WWOX: variants seen among roughly 807,000 people sequenced by gnomAD.
The protein encoded by WWOX is WW domain-containing oxidoreductase.
Under a neutral mutation model 46.2 loss-of-function variants are expected in WWOX, and 69 were observed. That is an observed-to-expected ratio of 1.49 (90% CI 1.23 to 1.82). The LOEUF (loss-of-function observed/expected upper bound fraction) is 1.82, where lower values mean the gene tolerates loss of function less well. Among genes scored for constraint, WWOX ranks in the 40% most tolerant of loss-of-function variants. The pLI is 0.00. For missense variants in WWOX, 919 were observed against 542.6 expected (o/e 1.69, Z -6.89); for synonymous variants, 359 against 202.6 (o/e 1.77, Z -6.56).
chr16:79,005,019 G>T (rs1037404855), intron 8 of WWOX, among the ~76,000 whole-genome samples: 3 of 152,172 alleles, frequency 2.0e-5, no homozygotes, highest in Non-Finnish European at 2.9e-5. Flanking sequence ...GAGAGGGAAG[G>T]AAGAGGAAAA....
At chr16:78,411,912 T>C (rs958853168) in intron 6 of WWOX, among the ~76,000 whole-genome samples, 2 of 152,204 alleles carry the variant, frequency 1.3e-5, no homozygotes, top group African/African-American at 4.8e-5. Flanking sequence ...AAGCAGGCTT[T>C]GGTTTCTACT....
At chr16:78,945,075 G>T (rs909474902) in intron 8 of WWOX, among the ~76,000 whole-genome samples, 5 of 152,112 alleles carry the variant, frequency 3.3e-5, no homozygotes, top group African/African-American at 1.2e-4. Flanking sequence ...AGGTACTTGG[G>T]AGGCTGAGGT....
chr16:78,554,833 G>C (rs1238416896), intron 8 of WWOX, among the ~76,000 whole-genome samples: 2 of 152,168 alleles, frequency 1.3e-5, no homozygotes, highest in African/African-American at 4.8e-5. Flanking sequence ...GACTCTGAAT[G>C]GTGGCCCAGT....
intron 8 of WWOX, among the ~76,000 whole-genome samples, chr16:78,936,061 C>T (rs1183522173): frequency 6.6e-6 from 1 of 151,870 alleles, no homozygotes; most frequent in Non-Finnish European, 1.5e-5. Flanking sequence ...TGGAGACTGG[C>T]CATAAGTTGG....
intron 8 of WWOX, among the ~76,000 whole-genome samples, chr16:79,152,878 C>T (rs968920882): frequency 6.6e-6 from 1 of 152,084 alleles, no homozygotes; most frequent in East Asian, 1.9e-4. Context: ...ACGGAGTACC[C>T]AGTTGCACTG....
chr16:78,149,053 A>C (rs1435081405), intron 4 of WWOX, among the ~76,000 whole-genome samples: 2 of 152,030 alleles, frequency 1.3e-5, no homozygotes, highest in Admixed American at 1.3e-4. Context: ...GGGCAGTGGC[A>C]GGATCGTAGC....
At chr16:79,172,345 C>T (rs1178235760) in intron 8 of WWOX, among the ~76,000 whole-genome samples, 1 of 152,130 alleles carries the variant, frequency 6.6e-6, no homozygotes, top group Non-Finnish European at 1.5e-5. Context: ...CAGATTTGGT[C>T]AAAGATCCAT....
At chr16:78,131,722 C>T (rs948800273) in intron 4 of WWOX, among the ~76,000 whole-genome samples, 2 of 151,818 alleles carry the variant, frequency 1.3e-5, no homozygotes, top group Non-Finnish European at 1.5e-5. Flanking sequence ...GCTGGGATTA[C>T]AGGTGTGTGT....
intron 8 of WWOX, among the ~76,000 whole-genome samples, chr16:78,906,942 T>G (rs2044980651): frequency 6.6e-6 from 1 of 152,202 alleles, no homozygotes; most frequent in African/African-American, 2.4e-5. Context: ...AATAAGCTAT[T>G]GGCAGGTGGT....
chr16:78,595,746 A>T (rs1194257751), intron 8 of WWOX, among the ~76,000 whole-genome samples: 1 of 152,210 alleles, frequency 6.6e-6, no homozygotes, highest in East Asian at 1.9e-4. Context: ...TGATTGACTC[A>T]AGATAATTAG....
In WWOX at chr16:79,044,013, T is replaced by G. The variant is rs956096241; in HGVS notation, c.1057-167595T>G. ...ACTCTCATTGATTAGGCCTGAGTTA[T>G]GTGCTCTCTCCTAGAGCCAGGAAGA... On this transcript the variant is annotated intron_variant, in intron 8 of 8. Transcript: ENST00000566780. Among the ~76,000 whole-genome samples the G allele has an allele frequency of 3.9e-5, 6 of 152,336 alleles. No individual in the cohort carries two copies. In the South Asian group the frequency reaches 1.2e-3, roughly 32 times the overall value.
chr16:78,791,595 G>C (rs1346487192), intron 8 of WWOX, among the ~76,000 whole-genome samples: 1 of 152,086 alleles, frequency 6.6e-6, no homozygotes, highest in African/African-American at 2.4e-5. Flanking sequence ...GCAAACAGAA[G>C]GGCTGGGTGC....
At chr16:78,691,575 G>A (rs531642364) in intron 8 of WWOX, among the ~76,000 whole-genome samples, 13 of 152,190 alleles carry the variant, frequency 8.5e-5, no homozygotes, top group African/African-American at 3.1e-4. Flanking sequence ...GGGTATAGTG[G>A]TGTGCACCTG....
chr16:79,171,860 A>G (rs2050706060), intron 8 of WWOX, among the ~76,000 whole-genome samples: 1 of 152,238 alleles, frequency 6.6e-6, no homozygotes, highest in Non-Finnish European at 1.5e-5. Flanking sequence ...ACCAAAACAA[A>G]TATGATCACA....
chr16:79,011,507 T>A (rs138548493), intron 8 of WWOX, among the ~76,000 whole-genome samples: 4,967 of 114,632 alleles, frequency 0.043, 114 homozygotes, highest in Non-Finnish European at 0.058. Context: ...TTATTTATTT[T>A]TTGAGACAGG....
Position 78,292,423 on chromosome 16 carries a change from TA to T in WWOX, c.517-94436del, listed in dbSNP as rs1178949829. Among the ~76,000 whole-genome samples, 12 of 152,234 alleles carry T rather than the reference TA, an allele frequency of 7.9e-5. 1 individual carries two copies. On this transcript the variant is annotated intron_variant, in intron 5 of 8. Transcript: ENST00000566780. ...TTCCAAACATGTTTGAATGGATTTT[TA>T]TGGTCTTTTAATTAACCCAATAAAA...
At chr16:78,760,277 A>G (rs951787725) in intron 8 of WWOX, among the ~76,000 whole-genome samples, 1 of 152,148 alleles carries the variant, frequency 6.6e-6, no homozygotes, top group African/African-American at 2.4e-5. Context: ...GGAGAAATCG[A>G]TCCTGTGATT....
chr16:78,787,000 T>C (rs2050473468), intron 8 of WWOX, among the ~76,000 whole-genome samples: 1 of 152,014 alleles, frequency 6.6e-6, no homozygotes, highest in Non-Finnish European at 1.5e-5. Flanking sequence ...ATACACAAAT[T>C]AGCCAGGTGT....
At chr16:78,496,180 CA>C (rs1408391527) in intron 8 of WWOX, 4 of 152,304 alleles carry the variant, frequency 2.6e-5, no homozygotes, top group African/African-American at 7.2e-5. Context: ...ATTCTCGTCC[CA>C]CCTCCCCATC....
Sources: allele counts gnomAD v4.1 joint callset (sites outside exome capture counted in the v4.1 genomes callset), GRCh38; gene constraint gnomAD v4.1.1; transcripts MANE v1.5; gene names NCBI Gene and HGNC (gene_info 2026-07-23, HGNC 2026-07-21).